The following FAM241A variants were observed in gnomAD, a reference collection of about 807,000 sequenced individuals.
The protein encoded by FAM241A is family with sequence similarity 241 member A.
A neutral mutation model predicts 12.2 loss-of-function variants in FAM241A; 7 were observed. The ratio of observed to expected loss-of-function variants is 0.58; its 90% confidence interval spans 0.33 to 1.08. The LOEUF is 1.08. FAM241A is among the 50% of genes least tolerant of loss of function. FAM241A has a pLI of 0.04. For synonymous variants in FAM241A, 74 were observed against 68.2 expected (o/e 1.08, Z -0.42); for missense variants, 161 against 169.7 (o/e 0.95, Z 0.29).
At chr4:112,174,619 A>G (rs544756131) in intron 1 of FAM241A, among the ~76,000 whole-genome samples, 1 of 152,336 alleles carries the variant, frequency 6.6e-6, no homozygotes, top group Admixed American at 6.5e-5. Context: ...CACAGCAGCC[A>G]GAAGTTTTAA....
intron 1 of FAM241A, among the ~76,000 whole-genome samples, chr4:112,178,208 G>A (rs894100757): frequency 3.3e-5 from 5 of 152,146 alleles, no homozygotes; most frequent in African/African-American, 1.2e-4. Flanking sequence ...TTAATCCTCA[G>A]AACCAGAGAA....
intron 1 of FAM241A, among the ~76,000 whole-genome samples, chr4:112,160,585 C>T (rs1426526702): frequency 2.6e-5 from 4 of 152,060 alleles, no homozygotes; most frequent in Non-Finnish European, 5.9e-5. Flanking sequence ...CACAGAAGTT[C>T]CAGAACAGCC....
Position 112,182,084 on chromosome 4 carries a change from CAA to C in FAM241A, c.154-4607_154-4606del, listed in dbSNP as rs1380674886. On this transcript the variant is annotated intron_variant, in intron 1 of 1. Transcript: ENST00000309733. ...TTAAAGAAATACTTAGAAGGTAAAA[CAA>C]AGAGAATATGGTGATGAGCTGGATG... Among the ~76,000 whole-genome samples the C allele has an allele frequency of 1.2e-4, 19 of 152,130 alleles. No homozygotes were observed. The East Asian group carries it at 1.9e-3, about 15-fold the overall frequency.
chr4:112,165,596 T>C (rs878912336), intron 1 of FAM241A, among the ~76,000 whole-genome samples: 1 of 152,194 alleles, frequency 6.6e-6, no homozygotes, highest in Admixed American at 6.5e-5. Context: ...AGGTCCTGTC[T>C]TTTGCAACAA....
chr4:112,179,947 G>A (rs1181915844), intron 1 of FAM241A, among the ~76,000 whole-genome samples: 9 of 102,508 alleles, frequency 8.8e-5, no homozygotes, highest in East Asian at 7.3e-4. Flanking sequence ...ATGTATATGT[G>A]TGTGTGTGTG....
At chr4:112,176,843 T>G (rs1014766466) in intron 1 of FAM241A, among the ~76,000 whole-genome samples, 3 of 152,202 alleles carry the variant, frequency 2.0e-5, no homozygotes, top group South Asian at 2.1e-4. Context: ...TTGACAAATG[T>G]TTTTCCATTG....
intron 1 of FAM241A, among the ~76,000 whole-genome samples, chr4:112,168,824 C>A (rs1723653449): frequency 6.6e-6 from 1 of 152,032 alleles, no homozygotes; most frequent in Admixed American, 6.6e-5. Flanking sequence ...ACCCCCACAC[C>A]CAGCTTAATT....
chr4:112,151,825 A>G (rs956351405), intron 1 of FAM241A, among the ~76,000 whole-genome samples: 1 of 152,222 alleles, frequency 6.6e-6, no homozygotes, highest in Non-Finnish European at 1.5e-5. Context: ...AGAGCAGACT[A>G]GAACCCAGGT....
At position 112,145,605 on chromosome 4, in the gene FAM241A, C is replaced by T. The variant is rs753189253; in HGVS notation, c.25C>T (p.Arg9Trp). The T allele has an allele frequency of 1.1e-5, 14 of 1,240,730 alleles. No individual in the cohort carries two copies. The highest frequency in any genetic ancestry group is 3.1e-4 in the Middle Eastern group (1 of 3,180). 76.9% of individuals were successfully genotyped at this position (1,240,730 alleles called of 1,614,324 possible). The change falls in exon 1 of 2, where the codon CGG becomes TGG. Residue 9 changes from arginine (R) to tryptophan (W), a missense_variant. Coordinates refer to ENST00000309733, the MANE Select transcript of FAM241A (RefSeq NM_152400.3). MCSAGELL[R>W]GGDGGERDED... ...GATGTGCTCAGCCGGGGAGCTGCTGCGGGGCGGCGACGGCGGGGAACGCGA... is the reference window on the plus strand; with the variant it reads ...GATGTGCTCAGCCGGGGAGCTGCTGTGGGGCGGCGACGGCGGGGAACGCGA...
intron 1 of FAM241A, among the ~76,000 whole-genome samples, chr4:112,149,233 T>C (rs897525377): frequency 4.6e-5 from 7 of 152,240 alleles, no homozygotes; most frequent in African/African-American, 1.4e-4. Context: ...CTCAAACTAC[T>C]AGCCTCAAGC....
At chr4:112,166,865 A>G (rs1434795610) in intron 1 of FAM241A, among the ~76,000 whole-genome samples, 3 of 151,744 alleles carry the variant, frequency 2.0e-5, no homozygotes, top group Non-Finnish European at 2.9e-5. Context: ...CTGTAATCCC[A>G]GCACTTTGGG....
intron 1 of FAM241A, among the ~76,000 whole-genome samples, chr4:112,168,801 A>T (rs528224032): frequency 1.1e-4 from 16 of 152,066 alleles, no homozygotes; most frequent in Non-Finnish European, 1.9e-4. Context: ...AGTAGCTGGG[A>T]TTACAGGTGT....
chr4:112,155,757 A>G (rs1723340432), intron 1 of FAM241A, among the ~76,000 whole-genome samples: 1 of 152,210 alleles, frequency 6.6e-6, no homozygotes, highest in Non-Finnish European at 1.5e-5. Context: ...GATTAAAAAG[A>G]TGAATGGTGT....
rs530510689 is a variant in FAM241A, at chr4:112,145,592, C to T, written c.12C>T (p.Ala4=). The change falls in exon 1 of 2, where the codon GCC becomes GCT. Residue 4 remains alanine, a synonymous_variant. Coordinates refer to ENST00000309733, the MANE Select transcript of FAM241A (RefSeq NM_152400.3). MCS[A]GELLRGGDGG... ...GAGTTGGCTGCGGGATGTGCTCAGC[C>T]GGGGAGCTGCTGCGGGGCGGCGACG... 3.2e-6 allele frequency: 4 copies of T among 1,246,812 alleles called. No individual in the cohort carries two copies. In the African/African-American group the frequency reaches 4.6e-5, roughly 14 times the overall value. The allele number at this position is 1,246,812 out of a possible 1,614,324, so 77.2% of individuals were successfully genotyped here. A position where few individuals can be genotyped will look rare whatever the true frequency, so the allele number is the denominator to read the frequency against.
intron 1 of FAM241A, among the ~76,000 whole-genome samples, chr4:112,178,127 T>C (rs562859933): frequency 6.2e-4 from 95 of 152,242 alleles, no homozygotes; most frequent in African/African-American, 2.2e-3. Context: ...AAAATAGATA[T>C]ATAAAGAAAT....
In FAM241A at chr4:112,148,365, A is replaced by T. The variant is rs146645024; in HGVS notation, c.153+2632A>T. 1.2e-4 allele frequency among the ~76,000 whole-genome samples: 18 copies of T among 152,182 alleles called. 1 individual carries two copies. The East Asian group carries it at 3.5e-3, about 29-fold the overall frequency. On this transcript the variant is annotated intron_variant, in intron 1 of 1. Transcript: ENST00000309733. ...ATTTCATATATATATGAAATATATA[A>T]AACACCTAGTATTAACATAGGTGTT...
At chr4:112,150,053 T>C (rs911054137) in intron 1 of FAM241A, among the ~76,000 whole-genome samples, 2 of 152,062 alleles carry the variant, frequency 1.3e-5, no homozygotes, top group Non-Finnish European at 2.9e-5. Flanking sequence ...TTACAATCAG[T>C]TAAATATTTG....
Position 112,186,822 on chromosome 4 carries a change from C to T in FAM241A, c.283C>T (p.Arg95Ter), listed in dbSNP as rs1439095287. Reference protein sequence around the residue: ...MGFTRMYFGERIVEPVIVIFF... With the variant: ...MGFTRMYFGE Reference sequence around the variant, plus strand: ...CTTCACAAGGATGTATTTTGGAGAACGAATAGTGGAACCAGTAATAGTCAT... The same window carrying T: ...CTTCACAAGGATGTATTTTGGAGAATGAATAGTGGAACCAGTAATAGTCAT... The change falls in exon 2 of 2, where the codon CGA becomes TGA. Residue 95 changes from arginine (R) to a stop codon, truncating the protein, a stop_gained. Transcript: ENST00000309733. LOFTEE classifies it high-confidence loss of function. 4 of 1,613,786 alleles carry T rather than the reference C, an allele frequency of 2.5e-6. No homozygotes were observed. Among genetic ancestry groups the T allele is most frequent in the East Asian group, 2.2e-5 (1 of 44,890 alleles).
At chr4:112,185,830 G>T (rs60118647) in intron 1 of FAM241A, among the ~76,000 whole-genome samples, 51,069 of 152,056 alleles carry the variant, frequency 0.34, 8,680 homozygotes, top group East Asian at 0.53. Context: ...CACTATTGCT[G>T]TCGGAGTGAA....
Sources: allele counts gnomAD v4.1 joint callset (sites outside exome capture counted in the v4.1 genomes callset), GRCh38; gene constraint gnomAD v4.1.1; transcripts MANE v1.5; gene names NCBI Gene and HGNC (gene_info 2026-07-23, HGNC 2026-07-21).